MAF: variants seen among roughly 807,000 people sequenced by gnomAD.
The protein encoded by MAF is MAF bZIP transcription factor.
A neutral mutation model predicts 22.0 loss-of-function variants in MAF; 10 were observed. That is an observed-to-expected ratio of 0.45 (90% CI 0.28 to 0.77). The LOEUF is 0.77. Among genes scored for constraint, MAF ranks in the 30% least tolerant of loss-of-function variants. The probability of loss-of-function intolerance (pLI) is 0.12; values close to 1 mark genes in which losing one functional copy is unlikely to be tolerated. For missense variants in MAF, 544 were observed against 548.4 expected, an observed-to-expected ratio of 0.99 and a Z score of 0.08; for synonymous variants, 337 against 255.8, an observed-to-expected ratio of 1.32 and a Z score of -3.03.
chr16:79,578,747 CT>C, the MAF span, among the ~76,000 whole-genome samples: 1 of 151,946 alleles, frequency 6.6e-6, no homozygotes, highest in Admixed American at 6.6e-5. Context: ...TCGCAAATTA[CT>C]TTTTCCTTTA....
the MAF span, among the ~76,000 whole-genome samples, chr16:79,423,969 A>T: frequency 6.6e-6 from 1 of 152,224 alleles, no homozygotes; most frequent in Non-Finnish European, 1.5e-5. Flanking sequence ...AATAGGGTTA[A>T]GATTCATTAG....
the MAF span, among the ~76,000 whole-genome samples, chr16:79,428,254 C>T: frequency 2.6e-5 from 4 of 152,110 alleles, no homozygotes; most frequent in East Asian, 7.7e-4. Context: ...GGTTCCCAGT[C>T]TCCCCTCCAA....
At chr16:79,499,355 C>G in the MAF span, among the ~76,000 whole-genome samples, 1 of 152,132 alleles carries the variant, frequency 6.6e-6, no homozygotes, top group Non-Finnish European at 1.5e-5. Context: ...CAGGAGTGAA[C>G]AGAGATGTAT....
chr16:79,388,858 A>G, the MAF span, among the ~76,000 whole-genome samples: 8 of 152,298 alleles, frequency 5.3e-5, no homozygotes, highest in South Asian at 1.7e-3. Context: ...GACTTGCTCA[A>G]CAGTACCCAA....
Position 79,594,372 on chromosome 16 carries a change from A to G in MAF, c.*88T>C. On this transcript the variant is annotated 3_prime_UTR_variant, in exon 2 of 2. Transcript: ENST00000326043. ...TAATTTTTATTTAAAAAGGAGACTA[A>G]ACAGAAGTCAGGGGTAGGTGGTTCT... 1 of 1,177,806 alleles carries G rather than the reference A, an allele frequency of 8.5e-7. No homozygotes were observed. The highest frequency in any genetic ancestry group is 1.3e-5 in the South Asian group (1 of 75,978). The allele number at this position is 1,177,806 out of a possible 1,614,324, so 73.0% of individuals were successfully genotyped here. A position where few individuals can be genotyped will look rare whatever the true frequency, so the allele number is the denominator to read the frequency against.
At chr16:79,353,082 C>CAA in the MAF span, among the ~76,000 whole-genome samples, 14 of 145,256 alleles carry the variant, frequency 9.6e-5, 1 homozygote, top group East Asian at 5.9e-4. Flanking sequence ...CAAAATCATA[C>CAA]AAAAAAAAAT....
At chr16:79,515,562 G>C in the MAF span, among the ~76,000 whole-genome samples, 1 of 152,214 alleles carries the variant, frequency 6.6e-6, no homozygotes, top group East Asian at 1.9e-4. Context: ...TGCTAGGTAG[G>C]TTAGGTGAAT....
chr16:79,255,647 A>G, the MAF span, among the ~76,000 whole-genome samples: 3 of 152,340 alleles, frequency 2.0e-5, no homozygotes, highest in Admixed American at 6.5e-5. Flanking sequence ...TGTGGAAAGC[A>G]TTGTCTTCAA....
chr16:79,564,603 T>C, the MAF span, among the ~76,000 whole-genome samples: 1 of 152,154 alleles, frequency 6.6e-6, no homozygotes, highest in Non-Finnish European at 1.5e-5. Context: ...ATGTGACAAC[T>C]CTCGGGGCAT....
At chr16:79,390,568 G>C in the MAF span, among the ~76,000 whole-genome samples, 1 of 152,150 alleles carries the variant, frequency 6.6e-6, no homozygotes, top group Non-Finnish European at 1.5e-5. Flanking sequence ...TCAAGGAACA[G>C]ACTGCTCTGA....
chr16:79,405,871 C>T, the MAF span, among the ~76,000 whole-genome samples: 946 of 152,322 alleles, frequency 6.2e-3, 8 homozygotes, highest in African/African-American at 0.021. Context: ...TCAACCATCT[C>T]ATTTCCTCCC....
the MAF span, among the ~76,000 whole-genome samples, chr16:79,291,070 A>T: frequency 6.6e-6 from 1 of 152,048 alleles, no homozygotes; most frequent in Non-Finnish European, 1.5e-5. Context: ...TTTTTTCCAC[A>T]TCTCCCATAG....
the MAF span, among the ~76,000 whole-genome samples, chr16:79,426,552 G>A: frequency 1.3e-5 from 2 of 152,144 alleles, no homozygotes; most frequent in Non-Finnish European, 2.9e-5. Flanking sequence ...CAGTTTACCT[G>A]TATCAGGTGA....
chr16:79,430,266 A>T, the MAF span, among the ~76,000 whole-genome samples: 1 of 152,258 alleles, frequency 6.6e-6, no homozygotes, highest in African/African-American at 2.4e-5. Flanking sequence ...TATATTGAGC[A>T]CGTAGAGCCT....
At chr16:79,436,612 C>G in the MAF span, among the ~76,000 whole-genome samples, 2 of 152,198 alleles carry the variant, frequency 1.3e-5, no homozygotes, top group African/African-American at 4.8e-5. Context: ...CTGTAACTCA[C>G]TTTTCTGGGT....
At chr16:79,322,124 C>G in the MAF span, among the ~76,000 whole-genome samples, 3 of 152,020 alleles carry the variant, frequency 2.0e-5, no homozygotes, top group Admixed American at 6.6e-5. Flanking sequence ...CCCAGCTACT[C>G]AGGAGGCTGA....
the MAF span, among the ~76,000 whole-genome samples, chr16:79,540,923 C>T: frequency 4.6e-5 from 7 of 151,914 alleles, no homozygotes; most frequent in Admixed American, 6.5e-5. Context: ...ACCATTAATA[C>T]GATTATCACC....
chr16:79,441,925 G>A, the MAF span, among the ~76,000 whole-genome samples: 2 of 152,220 alleles, frequency 1.3e-5, no homozygotes, highest in African/African-American at 2.4e-5. Flanking sequence ...GGGAAAGGAG[G>A]GGGAGATTTG....
At chr16:79,282,313 A>G in the MAF span, among the ~76,000 whole-genome samples, 2 of 152,124 alleles carry the variant, frequency 1.3e-5, no homozygotes, top group Admixed American at 1.3e-4. Context: ...TCCCTGGGAG[A>G]GGAGATTATA....
Sources: gnomAD v4.1 joint callset for allele counts (sites outside exome capture counted in the v4.1 genomes callset) on GRCh38, gnomAD v4.1.1 for gene constraint, MANE v1.5 for transcripts, NCBI Gene and HGNC (gene_info 2026-07-23, HGNC 2026-07-21) for gene names.